The following SKAP1 variants were observed in gnomAD, a reference collection of about 807,000 sequenced individuals.
SKAP1 encodes the protein src kinase-associated phosphoprotein 1.
In SKAP1, 44 loss-of-function variants were observed where a neutral mutation model predicts 58.5. The observed-to-expected ratio is 0.75, with a 90% CI of 0.59 to 0.97. The LOEUF (loss-of-function observed/expected upper bound fraction) is 0.97. SKAP1 is among the 50% of genes least tolerant of loss of function. The pLI, the probability that SKAP1 is intolerant of heterozygous loss-of-function variation, is 0.00. For missense variants in SKAP1, 390 were observed against 435.2 expected (o/e 0.90, Z 0.92); for synonymous variants, 127 against 149.7 (o/e 0.85, Z 1.11).
chr17:48,357,548 T>G (rs1191231513), intron 3 of SKAP1, among the ~76,000 whole-genome samples: 1 of 152,062 alleles, frequency 6.6e-6, no homozygotes, highest in Non-Finnish European at 1.5e-5. Context: ...GAGAATTGCT[T>G]GAACCCAGGA....
At chr17:48,165,525 C>A (rs936563014) in intron 10 of SKAP1, among the ~76,000 whole-genome samples, 1 of 151,822 alleles carries the variant, frequency 6.6e-6, no homozygotes, top group Non-Finnish European at 1.5e-5. Flanking sequence ...CTCAGCCTCC[C>A]GGGTAGCTGG....
intron 10 of SKAP1, among the ~76,000 whole-genome samples, chr17:48,165,386 T>TCTTA (rs1298396833): frequency 6.8e-6 from 1 of 147,120 alleles, no homozygotes; most frequent in Non-Finnish European, 1.5e-5. Flanking sequence ...TTCTTTTCTT[T>TCTTA]CTTTCTTTCT....
chr17:48,411,130 T>C (rs1186785218), intron 1 of SKAP1, among the ~76,000 whole-genome samples: 1 of 152,016 alleles, frequency 6.6e-6, no homozygotes, highest in African/African-American at 2.4e-5. Flanking sequence ...CCGGGCACGG[T>C]GGCTTGTGCC....
intron 4 of SKAP1, among the ~76,000 whole-genome samples, chr17:48,221,277 T>C (rs986999567): frequency 6.6e-6 from 1 of 152,068 alleles, no homozygotes. Flanking sequence ...AATAAATAAA[T>C]AAATAAATAA....
At chr17:48,180,776 A>T (rs1041213347) in intron 8 of SKAP1, among the ~76,000 whole-genome samples, 6 of 152,198 alleles carry the variant, frequency 3.9e-5, no homozygotes, top group Admixed American at 6.5e-5. Context: ...ACAGTGGAAG[A>T]TAAAAAGAAA....
intron 7 of SKAP1, 49 bp from the exon 8 acceptor site, chr17:48,182,506 T>C (rs373967122): frequency 4.3e-6 from 6 of 1,397,378 alleles, no homozygotes; most frequent in South Asian, 1.2e-5. Context: ...AAAATTTCCA[T>C]GAATCTTGAC....
At chr17:48,318,139 T>C (rs540906355) in intron 4 of SKAP1, among the ~76,000 whole-genome samples, 1 of 152,348 alleles carries the variant, frequency 6.6e-6, no homozygotes, top group South Asian at 2.1e-4. Context: ...AAGACATTCA[T>C]ATTTCTACAT....
At chr17:48,231,247 C>G (rs2065122642) in intron 4 of SKAP1, among the ~76,000 whole-genome samples, 1 of 152,298 alleles carries the variant, frequency 6.6e-6, no homozygotes, top group East Asian at 1.9e-4. Context: ...ACATTTTTAA[C>G]AGACTCCCTT....
intron 6 of SKAP1, among the ~76,000 whole-genome samples, chr17:48,185,576 TG>T (rs2064438748): frequency 6.6e-6 from 1 of 152,190 alleles, no homozygotes; most frequent in South Asian, 2.1e-4. Flanking sequence ...CCTCATTGTG[TG>T]GGTCAGGCAG....
chr17:48,300,541 A>G (rs2066043929), intron 4 of SKAP1, among the ~76,000 whole-genome samples: 2 of 152,170 alleles, frequency 1.3e-5, no homozygotes, highest in African/African-American at 4.8e-5. Context: ...GTGATTTTCC[A>G]TGGTCTGGAG....
intron 4 of SKAP1, among the ~76,000 whole-genome samples, chr17:48,196,324 T>G (rs1358522394): frequency 6.6e-6 from 1 of 152,246 alleles, no homozygotes; most frequent in Non-Finnish European, 1.5e-5. Context: ...TAACTCCTGG[T>G]GTCAAAAAAT....
chr17:48,322,380 T>C (rs1344777198), intron 4 of SKAP1, among the ~76,000 whole-genome samples: 1 of 152,234 alleles, frequency 6.6e-6, no homozygotes. Flanking sequence ...TTTCATTTGA[T>C]ATGTGGTTCA....
intron 3 of SKAP1, 83 bp from the exon 4 acceptor site, chr17:48,346,089 A>G: frequency 1.4e-6 from 1 of 740,318 alleles, no homozygotes; most frequent in Non-Finnish European, 2.1e-6. Context: ...GGATCTATGT[A>G]TGATCTCTTC....
chr17:48,405,541 C>A (rs1342212987), intron 1 of SKAP1, among the ~76,000 whole-genome samples: 2 of 143,376 alleles, frequency 1.4e-5, no homozygotes, highest in Non-Finnish European at 3.0e-5. Flanking sequence ...TCACTCTTGT[C>A]ACCCAGGCTG....
intron 4 of SKAP1, among the ~76,000 whole-genome samples, chr17:48,314,786 C>T (rs1598556523): frequency 6.6e-6 from 1 of 152,248 alleles, no homozygotes; most frequent in East Asian, 1.9e-4. Context: ...TTGAAAAATG[C>T]CTGATCTCAA....
At chr17:48,144,699 T>C (rs1238434505) in intron 11 of SKAP1, among the ~76,000 whole-genome samples, 3 of 152,216 alleles carry the variant, frequency 2.0e-5, no homozygotes, top group Admixed American at 6.5e-5. Context: ...AGGTGCTAAT[T>C]TACTGCATTT....
chr17:48,439,822 A>C, the SKAP1 span, among the ~76,000 whole-genome samples: 6 of 152,192 alleles, frequency 3.9e-5, no homozygotes, highest in Admixed American at 1.3e-4. Context: ...ACTAAACATG[A>C]GGGCCTGTGT....
At chr17:48,360,787 C>T (rs922817419) in intron 3 of SKAP1, among the ~76,000 whole-genome samples, 6 of 151,856 alleles carry the variant, frequency 4.0e-5, no homozygotes, top group East Asian at 1.9e-4. Flanking sequence ...AATAAAAAAA[C>T]GCAGGTGGAA....
intron 4 of SKAP1, among the ~76,000 whole-genome samples, chr17:48,258,204 C>T (rs1245656050): frequency 1.3e-5 from 2 of 152,098 alleles, no homozygotes; most frequent in Non-Finnish European, 2.9e-5. Context: ...GATCTCTGTT[C>T]ACCTGAATGA....
Sources: gnomAD v4.1 joint callset for allele counts (sites outside exome capture counted in the v4.1 genomes callset) on GRCh38, gnomAD v4.1.1 for gene constraint, MANE v1.5 for transcripts, NCBI Gene and HGNC (gene_info 2026-07-23, HGNC 2026-07-21) for gene names.